The following DMD variants were observed in gnomAD, a reference collection of about 807,000 sequenced individuals.
DMD encodes the protein mutant dystrophin.
Under a neutral mutation model 330.1 loss-of-function variants are expected in DMD, and 63 were observed. The ratio of observed to expected loss-of-function variants is 0.19; its 90% confidence interval spans 0.16 to 0.24. DMD has a LOEUF of 0.24. DMD is among the 10% of genes least tolerant of loss of function. The pLI, the probability that DMD is intolerant of heterozygous loss-of-function variation, is 1.00. For synonymous variants in DMD, 1,223 were observed against 959.8 expected (o/e 1.27, Z -5.07); for missense variants, 3,344 against 2,684.1 (o/e 1.25, Z -5.43).
intron 4 of DMD, among the ~76,000 whole-genome samples, chrX:32,827,067 A>C (rs541251011): frequency 0.063 from 3,524 of 55,559 alleles, 103 homozygotes; most frequent in African/African-American, 0.077. Context: ...CCCCCCCCCC[A>C]CACACACACA....
chrX:32,263,597 G>C lies in DMD; in HGVS notation c.6290+23932C>G, dbSNP rs139389394. ...GTTTCACTTTTCAATAAACGAAATA[G>C]CCGTGACAATTCTGTCTTTAGGATG... On this transcript the variant is annotated intron_variant, in intron 43 of 78. Coordinates refer to ENST00000357033, the MANE Select transcript of DMD (RefSeq NM_004006.3). 1.1e-4 allele frequency among the ~76,000 whole-genome samples: 12 copies of C among 111,925 alleles called. No homozygotes were observed. In the Admixed American group the frequency reaches 1.1e-3, roughly 11 times the overall value.
intron 51 of DMD, among the ~76,000 whole-genome samples, chrX:31,750,062 A>C (rs1464465658): frequency 9.0e-6 from 1 of 110,568 alleles, no homozygotes. Context: ...TCAGATAAGC[A>C]GGTTGCGAAA....
At chrX:31,749,337 C>T (rs2088213140) in intron 51 of DMD, among the ~76,000 whole-genome samples, 1 of 88,547 alleles carries the variant, frequency 1.1e-5, no homozygotes, top group South Asian at 6.4e-4. Context: ...TGTTCCCCTT[C>T]CTGTGTCCAT....
chrX:31,317,020 A>G (rs764197615), intron 62 of DMD, among the ~76,000 whole-genome samples: 92 of 112,405 alleles, frequency 8.2e-4, no homozygotes, highest in Non-Finnish European at 1.4e-3. Flanking sequence ...GTGCAATAAG[A>G]ATCCTCAAGG....
At position 32,596,411 on chromosome X, in the gene DMD, T is replaced by C. The variant is rs189117203; in HGVS notation, c.1483-535A>G. ...ATCTTTTGTAAAGGACACCATCAAC[T>C]TTCATGTTCCTAAATTCAATAACCA... On this transcript the variant is annotated intron_variant, in intron 12 of 78. Transcript: ENST00000357033. Among the ~76,000 whole-genome samples, 278 of 111,782 alleles carry C rather than the reference T, an allele frequency of 2.5e-3. 3 individuals carry two copies. The highest frequency in any genetic ancestry group is 1.2e-3 in the Non-Finnish European group (64 of 53,158).
intron 11 of DMD, among the ~76,000 whole-genome samples, chrX:32,619,284 A>G (rs1449971300): frequency 5.4e-5 from 6 of 111,448 alleles, no homozygotes; most frequent in African/African-American, 9.8e-5. Flanking sequence ...TAGGGAATGA[A>G]TAGTGGTTAC....
intron 44 of DMD, among the ~76,000 whole-genome samples, chrX:32,144,834 A>G (rs757804120): frequency 9.0e-6 from 1 of 111,133 alleles, no homozygotes; most frequent in South Asian, 3.8e-4. Context: ...GGAGTTCGAG[A>G]CCAGCCTGGC....
chrX:33,079,502 T>G (rs1306928299), intron 1 of DMD, among the ~76,000 whole-genome samples: 2 of 111,629 alleles, frequency 1.8e-5, no homozygotes, highest in Non-Finnish European at 3.8e-5. Flanking sequence ...TTATAGGAGT[T>G]TTACATAATC....
intron 19 of DMD, among the ~76,000 whole-genome samples, chrX:32,501,146 A>G (rs975787544): frequency 8.9e-6 from 1 of 112,017 alleles, no homozygotes; most frequent in African/African-American, 3.2e-5. Flanking sequence ...ACTGAGTATT[A>G]GAAAAGATTA....
intron 1 of DMD, among the ~76,000 whole-genome samples, chrX:33,081,822 G>T (rs904228209): frequency 3.6e-5 from 4 of 111,642 alleles, no homozygotes; most frequent in African/African-American, 9.8e-5. Flanking sequence ...ACACACTAAA[G>T]CTCCCTCATA....
At chrX:32,539,347 C>T (rs980136982) in intron 17 of DMD, among the ~76,000 whole-genome samples, 1 of 110,443 alleles carries the variant, frequency 9.1e-6, no homozygotes, top group Admixed American at 9.7e-5. Flanking sequence ...GTTATTTAAC[C>T]TTTCTGGACC....
At chrX:31,753,091 C>T (rs1001021402) in intron 51 of DMD, among the ~76,000 whole-genome samples, 1 of 111,093 alleles carries the variant, frequency 9.0e-6, no homozygotes, top group African/African-American at 3.3e-5. Context: ...AACAGGAACA[C>T]ACAGTGGGTG....
At chrX:32,233,342 G>A (rs1356342027) in intron 43 of DMD, among the ~76,000 whole-genome samples, 1 of 110,659 alleles carries the variant, frequency 9.0e-6, no homozygotes, top group Non-Finnish European at 1.9e-5. Flanking sequence ...CTGGGGTGGG[G>A]AGCATATTTT....
chrX:33,141,391 C>T (rs2047790250), intron 1 of DMD, among the ~76,000 whole-genome samples: 1 of 111,069 alleles, frequency 9.0e-6, no homozygotes, highest in South Asian at 3.8e-4. Flanking sequence ...CTCAGTGTGA[C>T]CTCGCTACTG....
intron 57 of DMD, among the ~76,000 whole-genome samples, chrX:31,483,258 G>A (rs1397993387): frequency 9.2e-6 from 1 of 108,887 alleles, no homozygotes; most frequent in Non-Finnish European, 1.9e-5. Flanking sequence ...GTGTTAGCCA[G>A]GATGGTCTCC....
At chrX:33,320,186 A>C (rs1289914453) in intron 1 of DMD, among the ~76,000 whole-genome samples, 1 of 111,910 alleles carries the variant, frequency 8.9e-6, no homozygotes, top group African/African-American at 3.2e-5. Flanking sequence ...GATGAGGCTC[A>C]ATTGTGATGG....
chrX:33,031,074 C>T (rs1436140764), intron 1 of DMD, among the ~76,000 whole-genome samples: 5 of 110,789 alleles, frequency 4.5e-5, no homozygotes, highest in Non-Finnish European at 7.6e-5. Flanking sequence ...CTTATTTCAC[C>T]GAGCCATCCC....
At chrX:32,404,406 G>T (rs188750421) in intron 30 of DMD, among the ~76,000 whole-genome samples, 2 of 111,209 alleles carry the variant, frequency 1.8e-5, no homozygotes, top group African/African-American at 6.5e-5. Context: ...AAGGTAATTT[G>T]TTTCCTTCCT....
intron 1 of DMD, among the ~76,000 whole-genome samples, chrX:33,242,445 C>T (rs1476139377): frequency 8.9e-6 from 1 of 111,933 alleles, no homozygotes; most frequent in African/African-American, 3.3e-5. Flanking sequence ...TAATTTCTTC[C>T]TTTTTGTGGC....
Sources: allele counts gnomAD v4.1 joint callset (sites outside exome capture counted in the v4.1 genomes callset), GRCh38; gene constraint gnomAD v4.1.1; transcripts MANE v1.5; gene names NCBI Gene and HGNC (gene_info 2026-07-23, HGNC 2026-07-21).